Variants in RANBP10 observed in about 807,000 individuals in gnomAD.
The protein encoded by RANBP10 is RAN binding protein 10, also known as ran-binding protein 10.
A neutral mutation model predicts 72.8 loss-of-function variants in RANBP10; 24 were observed. That is an observed-to-expected ratio of 0.33 (90% CI 0.24 to 0.46). The LOEUF (loss-of-function observed/expected upper bound fraction) is 0.46, where lower values mean the gene tolerates loss of function less well. Among genes scored for constraint, RANBP10 ranks in the 20% least tolerant of loss-of-function variants. The probability of loss-of-function intolerance (pLI) is 1.00; values close to 1 mark genes in which losing one functional copy is unlikely to be tolerated. For synonymous variants in RANBP10, 310 were observed against 322.3 expected (o/e 0.96, Z 0.41); for missense variants, 679 against 817.5 (o/e 0.83, Z 2.07).
At chr16:67,759,493 A>G (rs1479082857) in intron 3 of RANBP10, 1 of 152,214 alleles carries the variant, frequency 6.6e-6, no homozygotes, top group Non-Finnish European at 1.5e-5. Flanking sequence ...CAGAGTGCCC[A>G]ATCATGCCAG....
chr16:67,748,816 A>T (rs1344874663), intron 3 of RANBP10, among the ~76,000 whole-genome samples: 2 of 152,136 alleles, frequency 1.3e-5, no homozygotes, highest in Non-Finnish European at 2.9e-5. Context: ...TGACAAGCCC[A>T]GGACCTGCAC....
chr16:67,768,728 G>C (rs1306350666), intron 3 of RANBP10, among the ~76,000 whole-genome samples: 1 of 151,884 alleles, frequency 6.6e-6, no homozygotes, highest in Non-Finnish European at 1.5e-5. Flanking sequence ...AATAAAAAAA[G>C]AACATATGAA....
intron 3 of RANBP10, among the ~76,000 whole-genome samples, chr16:67,748,180 T>G (rs1418917501): frequency 6.6e-6 from 1 of 151,868 alleles, no homozygotes; most frequent in Non-Finnish European, 1.5e-5. Context: ...ACTGGGACTG[T>G]GTTGACTCTC....
chr16:67,726,713 T>C (rs906840819), intron 13 of RANBP10, among the ~76,000 whole-genome samples, 155 bp from the exon 14 acceptor site: 13 of 152,218 alleles, frequency 8.5e-5, no homozygotes, highest in African/African-American at 3.1e-4. Flanking sequence ...CACCAGGCCA[T>C]GGCCCTGAAG....
At chr16:67,794,724 C>A (rs1470464912) in intron 2 of RANBP10, among the ~76,000 whole-genome samples, 2 of 150,544 alleles carry the variant, frequency 1.3e-5, no homozygotes, top group Admixed American at 1.3e-4. Context: ...AGGGTTTCAC[C>A]GTGTTAGCCA....
chr16:67,762,101 C>A (rs2054407013), intron 3 of RANBP10, among the ~76,000 whole-genome samples: 1 of 151,858 alleles, frequency 6.6e-6, no homozygotes, highest in South Asian at 2.1e-4. Flanking sequence ...AAATAAAAAA[C>A]AAACAAACAA....
At chr16:67,748,586 T>C (rs1381224908) in intron 3 of RANBP10, among the ~76,000 whole-genome samples, 1 of 152,002 alleles carries the variant, frequency 6.6e-6, no homozygotes, top group African/African-American at 2.4e-5. Flanking sequence ...CTATTATTTG[T>C]ACAGATAGGG....
At chr16:67,743,140 A>G (rs924045009) in intron 4 of RANBP10, among the ~76,000 whole-genome samples, 1 of 152,226 alleles carries the variant, frequency 6.6e-6, no homozygotes, top group Non-Finnish European at 1.5e-5. Flanking sequence ...GTCCCCTGAT[A>G]CTAGCTGTGC....
At chr16:67,738,588 G>A (rs1287456336) in intron 4 of RANBP10, 1 of 152,230 alleles carries the variant, frequency 6.6e-6, no homozygotes, top group African/African-American at 2.4e-5. Context: ...GAGTAGCTGG[G>A]AATACAGGCG....
intron 2 of RANBP10, among the ~76,000 whole-genome samples, chr16:67,801,120 G>A (rs751190493): frequency 2.0e-5 from 3 of 152,156 alleles, no homozygotes; most frequent in African/African-American, 4.8e-5. Context: ...AACAAAGGAC[G>A]TTCTGGAGAA....
At chr16:67,752,905 G>A (rs2054222343) in intron 3 of RANBP10, among the ~76,000 whole-genome samples, 1 of 152,038 alleles carries the variant, frequency 6.6e-6, no homozygotes, top group Non-Finnish European at 1.5e-5. Flanking sequence ...TAAACAAATA[G>A]GAAAACAAGA....
intron 3 of RANBP10, among the ~76,000 whole-genome samples, chr16:67,758,336 C>A (rs2054329122): frequency 6.6e-6 from 1 of 152,220 alleles, no homozygotes; most frequent in Admixed American, 6.5e-5. Context: ...GCTTGCCAGG[C>A]TAGGTGTCTC....
intron 13 of RANBP10, 32 bp from the exon 14 acceptor site, chr16:67,726,590 C>T (rs1216134717): frequency 6.5e-7 from 1 of 1,537,572 alleles, no homozygotes; most frequent in Non-Finnish European, 8.8e-7. Context: ...TGGTCACTGG[C>T]CTGCCCAGGG....
At position 67,744,489 on chromosome 16, in the gene RANBP10, G is replaced by A. The variant is rs760060698; in HGVS notation, c.401-34C>T. The stretch of plus-strand genomic sequence containing the variant: ...GAAGAGAGCAGCAATAACTGAGTAG[G>A]TACTTGAGGGAGGAACAAGACAAGT... On this transcript the variant is annotated intron_variant, in intron 3 of 13. Transcript: ENST00000317506. 3 of 1,579,244 alleles carry A rather than the reference G, an allele frequency of 1.9e-6. No homozygotes were observed. The South Asian group carries it at 3.4e-5, about 18-fold the overall frequency.
intron 4 of RANBP10, among the ~76,000 whole-genome samples, chr16:67,741,287 A>G (rs947170881): frequency 1.3e-5 from 2 of 152,154 alleles, no homozygotes; most frequent in African/African-American, 4.8e-5. Flanking sequence ...CTGCCTCACA[A>G]TGGCACCCAG....
rs1030629234 is a variant in RANBP10, at chr16:67,731,687, C to T, written c.777-103G>A. 5 of 787,604 alleles carry T rather than the reference C, an allele frequency of 6.3e-6. No individual in the cohort carries two copies. The Admixed American group carries it at 1.4e-4, about 21-fold the overall frequency. 48.8% of individuals were successfully genotyped at this position (787,604 alleles called of 1,614,324 possible). On this transcript the variant is annotated intron_variant, in intron 6 of 13. Transcript: ENST00000317506. ...TACCTCCCCCAGAGGTCTCCCTAAACACGTCCTGGAGGTGTAACCTCCACA... is the reference window on the plus strand; with the variant it reads ...TACCTCCCCCAGAGGTCTCCCTAAATACGTCCTGGAGGTGTAACCTCCACA...
chr16:67,736,007 C>T lies in RANBP10; in HGVS notation c.592-965G>A, dbSNP rs187577062. On this transcript the variant is annotated intron_variant, in intron 5 of 13. Coordinates refer to ENST00000317506, the MANE Select transcript of RANBP10 (RefSeq NM_020850.3). Reference sequence around the variant, plus strand: ...GCCTCTACCATGACTGGCTTTTGTTCGGTCCCTCCCTCACTTGGTGGTTCC... The same window carrying T: ...GCCTCTACCATGACTGGCTTTTGTTTGGTCCCTCCCTCACTTGGTGGTTCC... 2.6e-4 allele frequency among the ~76,000 whole-genome samples: 40 copies of T among 152,110 alleles called. 1 individual carries two copies. In the East Asian group the frequency reaches 3.9e-3, roughly 15 times the overall value.
intron 2 of RANBP10, among the ~76,000 whole-genome samples, chr16:67,799,252 C>T (rs1284508217): frequency 1.3e-5 from 2 of 151,076 alleles, no homozygotes; most frequent in South Asian, 2.1e-4. Flanking sequence ...TTCAGTCTGG[C>T]CCTACCGACC....
In RANBP10 at chr16:67,723,892, T is replaced by C. The variant is rs1328843392; in HGVS notation, c.*2536A>G. 1 of 152,642 alleles carries C rather than the reference T, an allele frequency of 6.6e-6. No individual in the cohort carries two copies. Among genetic ancestry groups the C allele is most frequent in the Non-Finnish European group, 1.5e-5 (1 of 68,208 alleles). The allele number at this position is 152,642 out of a possible 1,614,324, so 9.5% of individuals were successfully genotyped here. A position where few individuals can be genotyped will look rare whatever the true frequency, so the allele number is the denominator to read the frequency against. On this transcript the variant is annotated 3_prime_UTR_variant, in exon 14 of 14. Transcript: ENST00000317506. ...AGCAAGAGAGTGGGCTCAAGCAGCT[T>C]GGTTTTGGCCCTCTCCACAGCTTGT... is the stretch of plus-strand genomic sequence containing the variant.
Sources: allele counts gnomAD v4.1 joint callset (sites outside exome capture counted in the v4.1 genomes callset), GRCh38; gene constraint gnomAD v4.1.1; transcripts MANE v1.5; gene names NCBI Gene and HGNC (gene_info 2026-07-23, HGNC 2026-07-21).